The following DNAH7 variants were observed in gnomAD, a reference collection of about 807,000 sequenced individuals.
DNAH7 encodes the protein dynein axonemal heavy chain 7, also known as axonemal beta dynein heavy chain 7.
In DNAH7, 397 loss-of-function variants were observed where a neutral mutation model predicts 444.6. The observed-to-expected ratio is 0.89, with a 90% CI of 0.82 to 0.97. The LOEUF is 0.97. Among genes scored for constraint, DNAH7 ranks in the 50% least tolerant of loss-of-function variants. DNAH7 has a pLI of 0.00. For missense variants in DNAH7, 4,902 were observed against 4,800.8 expected (o/e 1.02, Z -0.62); for synonymous variants, 1,636 against 1,624.4 (o/e 1.01, Z -0.17).
intron 1 of DNAH7, among the ~76,000 whole-genome samples, chr2:196,058,567 T>C (rs1324281470): frequency 6.6e-6 from 1 of 152,144 alleles, no homozygotes; most frequent in Non-Finnish European, 1.5e-5. Context: ...TAATACAAAA[T>C]TGAAATTGAG....
intron 10 of DNAH7, among the ~76,000 whole-genome samples, chr2:196,004,725 C>T (rs1049377518): frequency 1.4e-5 from 2 of 146,738 alleles, no homozygotes; most frequent in Admixed American, 6.8e-5. Flanking sequence ...TAAGGTGGGA[C>T]GATTTCTTGA....
intron 12 of DNAH7, among the ~76,000 whole-genome samples, chr2:195,999,898 TAGTA>T (rs2125681973): frequency 6.6e-6 from 1 of 152,214 alleles, no homozygotes; most frequent in South Asian, 2.1e-4. Flanking sequence ...AACAGACAAG[TAGTA>T]AGCCTATTTT....
chr2:195,787,349 G>A (rs1412757700), intron 57 of DNAH7, among the ~76,000 whole-genome samples, 178 bp from the exon 58 acceptor site: 1 of 152,140 alleles, frequency 6.6e-6, no homozygotes, highest in Admixed American at 6.5e-5. Context: ...AGCAAAGTAT[G>A]TCCGTCTGTG....
rs771270961 is a variant in DNAH7, at chr2:195,864,230, C to T, written c.7425G>A (p.Met2475Ile). ...TCCGAAATGCATCTCCAATGGGACTCATGGCAAGGACCACATGCAGTTGGC... is the reference window on the plus strand; with the variant it reads ...TCCGAAATGCATCTCCAATGGGACTTATGGCAAGGACCACATGCAGTTGGC... ...CRSQLHVVLA[M>I]SPIGDAFRNR... The change falls in exon 41 of 65, where the codon ATG (methionine) becomes ATA (isoleucine). Residue 2475 changes from methionine (M) to isoleucine (I), a missense_variant. Transcript: ENST00000312428. The T allele has an allele frequency of 5.6e-6, 9 of 1,614,186 alleles. No individual in the cohort carries two copies. The highest frequency in any genetic ancestry group is 5.9e-6 in the Non-Finnish European group (7 of 1,180,020).
intron 19 of DNAH7, among the ~76,000 whole-genome samples, chr2:195,943,896 G>A (rs1444113237): frequency 6.6e-6 from 1 of 152,166 alleles, no homozygotes; most frequent in East Asian, 1.9e-4. Context: ...ATATAATTAA[G>A]TTCCTCCTTT....
chr2:195,739,755 T>C (rs1692881252), intron 64 of DNAH7, among the ~76,000 whole-genome samples: 1 of 152,204 alleles, frequency 6.6e-6, no homozygotes, highest in African/African-American at 2.4e-5. Flanking sequence ...GGCAGCATTG[T>C]CACGCTCCTT....
At chr2:196,018,813 GGA>G (rs1187811251) in intron 9 of DNAH7, among the ~76,000 whole-genome samples, 1 of 152,026 alleles carries the variant, frequency 6.6e-6, no homozygotes, top group Non-Finnish European at 1.5e-5. Context: ...AATAACTAAA[GGA>G]GTATAACTGG....
chr2:195,967,035 C>T (rs1293493823), intron 17 of DNAH7, among the ~76,000 whole-genome samples: 1 of 151,974 alleles, frequency 6.6e-6, no homozygotes, highest in Non-Finnish European at 1.5e-5. Flanking sequence ...CTCTTGCTTT[C>T]CTTCCTTCCT....
chr2:196,016,958 T>C lies in DNAH7; in HGVS notation c.869+2212A>G, dbSNP rs950514718. On this transcript the variant is annotated intron_variant, in intron 9 of 64. Coordinates refer to ENST00000312428, the MANE Select transcript of DNAH7 (RefSeq NM_018897.3). The stretch of plus-strand genomic sequence containing the variant: ...TGAAATATATACACGAGATTGAATA[T>C]TGAAATATATGTAGGATATGAGCGA... Among the ~76,000 whole-genome samples, 4 of 152,278 alleles carry C rather than the reference T, an allele frequency of 2.6e-5. No individual in the cohort carries two copies. In the South Asian group the frequency reaches 8.3e-4, roughly 32 times the overall value.
At chr2:196,065,158 T>C (rs1219325161) in intron 1 of DNAH7, among the ~76,000 whole-genome samples, 1 of 120,736 alleles carries the variant, frequency 8.3e-6, no homozygotes, top group Non-Finnish European at 1.8e-5. Flanking sequence ...TTTTCTACCA[T>C]GTGAAATTTA....
At chr2:195,885,989 TG>T in intron 34 of DNAH7, 151 bp downstream of exon 34, 3 of 863,758 alleles carry the variant, frequency 3.5e-6, no homozygotes, top group Non-Finnish European at 5.1e-6. Flanking sequence ...ACTCAGAATT[TG>T]GGGCCTGGCT....
intron 61 of DNAH7, among the ~76,000 whole-genome samples, chr2:195,763,322 TAAAG>T (rs1161549088): frequency 2.0e-5 from 3 of 151,916 alleles, no homozygotes; most frequent in Non-Finnish European, 4.4e-5. Context: ...TGATATATCT[TAAAG>T]AACTAGCAAA....
chr2:196,044,962 A>G (rs569174354), intron 5 of DNAH7, among the ~76,000 whole-genome samples: 3 of 152,166 alleles, frequency 2.0e-5, no homozygotes, highest in Admixed American at 1.3e-4. Context: ...CTTAGTCAGG[A>G]GGCTGAGGTG....
chr2:195,884,632 G>C lies in DNAH7; in HGVS notation c.5716C>G (p.Pro1906Ala), dbSNP rs1559183007. 2 of 1,614,070 alleles carry C rather than the reference G, an allele frequency of 1.2e-6. No homozygotes were observed. The highest frequency in any genetic ancestry group is 1.7e-6 in the Non-Finnish European group (2 of 1,179,982). The change falls in exon 35 of 65, where the codon CCA becomes GCA. Residue 1906 changes from proline (P) to alanine (A), a missense_variant. Transcript: ENST00000312428. The stretch of plus-strand genomic sequence containing the variant: ...TAAATTGTTCCTTTTTCAGGAAATG[G>C]GACAGTTAGTGCCTTTGAGGATGTT... ...EQTSSKALTV[P>A]FPEKGTIYDY...
chr2:196,051,875 C>G (rs1242465215), intron 2 of DNAH7, among the ~76,000 whole-genome samples: 1 of 152,176 alleles, frequency 6.6e-6, no homozygotes, highest in Admixed American at 6.5e-5. Context: ...AATAAACTTT[C>G]TTTCAGAACA....
chr2:195,979,384 T>G (rs866563858), intron 15 of DNAH7, among the ~76,000 whole-genome samples: 4 of 152,202 alleles, frequency 2.6e-5, no homozygotes, highest in African/African-American at 2.4e-5. Flanking sequence ...AGTGAGTCAA[T>G]GAAGAAATTA....
chr2:195,974,699 AATAAT>A (rs1311626131), intron 15 of DNAH7, among the ~76,000 whole-genome samples: 5 of 151,766 alleles, frequency 3.3e-5, no homozygotes, highest in African/African-American at 1.2e-4. Context: ...GATGTCCAAC[AATAAT>A]ATAAAATATA....
At chr2:195,913,038 A>G (rs988000221) in intron 24 of DNAH7, among the ~76,000 whole-genome samples, 2 of 152,166 alleles carry the variant, frequency 1.3e-5, no homozygotes, top group African/African-American at 2.4e-5. Flanking sequence ...AAAGCTAGGG[A>G]ATCTACCCTA....
At chr2:195,836,507 AAAAG>A (rs995456381) in intron 47 of DNAH7, among the ~76,000 whole-genome samples, 4 of 151,992 alleles carry the variant, frequency 2.6e-5, no homozygotes, top group Non-Finnish European at 5.9e-5. Flanking sequence ...AAAAAAAAAA[AAAAG>A]AAAGGCTCTA....
Sources: allele counts gnomAD v4.1 joint callset (sites outside exome capture counted in the v4.1 genomes callset), GRCh38; gene constraint gnomAD v4.1.1; transcripts MANE v1.5; gene names NCBI Gene and HGNC (gene_info 2026-07-23, HGNC 2026-07-21).